Variants in ENG observed in about 807,000 individuals in gnomAD.
ENG encodes CD105 antigen.
In ENG, 17 loss-of-function variants were observed where a neutral mutation model predicts 71.0. That is an observed-to-expected ratio of 0.24 (90% CI 0.16 to 0.36). The LOEUF (loss-of-function observed/expected upper bound fraction) is 0.36. Among genes scored for constraint, ENG ranks in the 10% least tolerant of loss-of-function variants. The pLI is 1.00. For synonymous variants in ENG, 360 were observed against 366.9 expected, an observed-to-expected ratio of 0.98 and a Z score of 0.21; for missense variants, 749 against 868.3, an observed-to-expected ratio of 0.86 and a Z score of 1.73.
intron 1 of ENG, among the ~76,000 whole-genome samples, chr9:127,853,632 A>G (rs977509338): frequency 6.6e-6 from 1 of 152,246 alleles, no homozygotes; most frequent in African/African-American, 2.4e-5. Flanking sequence ...AGGGCCCTGC[A>G]GCCTTGGCCT....
intron 11 of ENG, 96 bp from the exon 12 acceptor site, chr9:127,818,473 C>A: frequency 3.8e-6 from 6 of 1,566,824 alleles, no homozygotes; most frequent in Non-Finnish European, 5.2e-6. Flanking sequence ...AGAGTTCCCA[C>A]CCCTGAGTCC....
At chr9:127,825,661 G>A (rs1489748614) in intron 5 of ENG, 34 bp downstream of exon 5, 1 of 1,511,190 alleles carries the variant, frequency 6.6e-7, no homozygotes, top group South Asian at 1.3e-5. Context: ...TCTCGGGGTG[G>A]GGACTAGTGT....
intron 2 of ENG, among the ~76,000 whole-genome samples, chr9:127,830,926 A>G (rs1343900213): frequency 3.9e-5 from 6 of 152,102 alleles, no homozygotes; most frequent in African/African-American, 1.4e-4. Context: ...TTGTTTTGGT[A>G]TAATGCCATT....
intron 3 of ENG, among the ~76,000 whole-genome samples, chr9:127,827,728 C>A (rs1830657216): frequency 6.6e-6 from 1 of 152,078 alleles, no homozygotes; most frequent in South Asian, 2.1e-4. Flanking sequence ...CCTCAAGAGA[C>A]CCTCCTGGCC....
Position 127,854,389 on chromosome 9 carries a change from A to G in ENG, c.-34T>C. 1 of 1,559,384 alleles carries G rather than the reference A, an allele frequency of 6.4e-7. No homozygotes were observed. Among genetic ancestry groups the G allele is most frequent in the South Asian group, 1.2e-5 (1 of 84,612 alleles). ...CGTGGGGGCCTGTGCGCTGGGCCTTATCCTGTGTCCAGTGGCAGGGCTGCG... is the reference window on the plus strand; with the variant it reads ...CGTGGGGGCCTGTGCGCTGGGCCTTGTCCTGTGTCCAGTGGCAGGGCTGCG... On this transcript the variant is annotated 5_prime_UTR_variant, in exon 1 of 15. Transcript: ENST00000373203.
At chr9:127,834,944 T>C (rs17557600) in intron 2 of ENG, among the ~76,000 whole-genome samples, 13,423 of 151,948 alleles carry the variant, frequency 0.088, 828 homozygotes, top group East Asian at 0.31. Flanking sequence ...CTAGTGGGTT[T>C]ATAACTTTTG....
Position 127,815,741 on chromosome 9 carries a change from T to G in ENG, c.1918A>C (p.Thr640Pro). The G allele has an allele frequency of 3.2e-6, 5 of 1,554,612 alleles. No individual in the cohort carries two copies. Among genetic ancestry groups the G allele is most frequent in the Non-Finnish European group, 4.3e-6 (5 of 1,154,256 alleles). The change falls in exon 15 of 15, where the codon ACC (threonine) becomes CCC (proline). Residue 640 changes from threonine to proline, a missense_variant. Coordinates refer to ENST00000373203, the MANE Select transcript of ENG (RefSeq NM_001114753.3). ...AAPASSESSS[T>P]NHSIGSTQST... Reference sequence around the variant, plus strand: ...TGGGTGCTCCCGATGCTGTGGTTGGTGCTGCTGCTCTCCGAGGAGGCCGGG... The same window carrying G: ...TGGGTGCTCCCGATGCTGTGGTTGGGGCTGCTGCTCTCCGAGGAGGCCGGG...
chr9:127,823,645 C>G (rs1331234971), intron 8 of ENG, among the ~76,000 whole-genome samples: 4 of 149,844 alleles, frequency 2.7e-5, no homozygotes, highest in African/African-American at 9.8e-5. Context: ...GCCTCGGCCT[C>G]CCAAAGTGCT....
intron 1 of ENG, among the ~76,000 whole-genome samples, chr9:127,851,521 G>T (rs1831285782): frequency 1.3e-5 from 2 of 152,022 alleles, no homozygotes. Context: ...ACTGCACCCG[G>T]CCTGCTTGTC....
rs1361154345 is a variant in ENG, at chr9:127,817,176, A to G, written c.1714T>C (p.Leu572=). ...QEVHRTVFMR[L]NIISPDLSGC... The stretch of plus-strand genomic sequence containing the variant: ...GACAGGTCAGGGCTGATGATGTTCA[A>G]GCGCATGAAGACAGTCCTATGGACT... The change falls in exon 13 of 15, where the codon TTG becomes CTG. Residue 572 remains leucine, a synonymous_variant. Transcript: ENST00000373203. 1 of 1,614,204 alleles carries G rather than the reference A, an allele frequency of 6.2e-7. No individual in the cohort carries two copies. The highest frequency in any genetic ancestry group is 8.5e-7 in the Non-Finnish European group (1 of 1,180,036).
chr9:127,848,688 C>A (rs970699929), intron 1 of ENG, among the ~76,000 whole-genome samples: 3 of 152,174 alleles, frequency 2.0e-5, no homozygotes, highest in Non-Finnish European at 4.4e-5. Flanking sequence ...CTTGGAGAAC[C>A]AGACCATACA....
rs566715226 is a variant in ENG at position 127,850,423 on chromosome 9, A to G, written c.67+3866T>C. ...TCGCCCGAGGGCCCAGCACCAACAC[A>G]TCCGTGACCACAAGCAAGTCCCTCT... On this transcript the variant is annotated intron_variant, in intron 1 of 14. Coordinates refer to ENST00000373203, the MANE Select transcript of ENG (RefSeq NM_001114753.3). Among the ~76,000 whole-genome samples the G allele has an allele frequency of 5.5e-4, 83 of 152,246 alleles. 2 individuals are homozygous for G. In the Middle Eastern group the frequency reaches 0.014, roughly 25 times the overall value.
chr9:127,852,643 C>T lies in ENG; in HGVS notation c.67+1646G>A, dbSNP rs1829058013. Among the ~76,000 whole-genome samples the T allele has an allele frequency of 1.3e-5, 2 of 152,004 alleles. 1 individual carries two copies. The highest frequency in any genetic ancestry group is 4.2e-4 in the South Asian group (2 of 4,802). On this transcript the variant is annotated intron_variant, in intron 1 of 14. Coordinates refer to ENST00000373203, the MANE Select transcript of ENG (RefSeq NM_001114753.3). ...CATTTCTTTCTAATCGTTTTACACC[C>T]CTGACTGTCATCTCTGCTCTCGGTG...
chr9:127,816,384 C>T (rs1282495785), intron 13 of ENG: 1 of 432,342 alleles, frequency 2.3e-6, no homozygotes, highest in African/African-American at 2.0e-5. Context: ...CCTGCCCCAC[C>T]TGCTGCATGA....
In ENG at chr9:127,854,474, G is replaced by T; in HGVS notation, c.-119C>A. The T allele has an allele frequency of 8.9e-7, 1 of 1,127,000 alleles. No individual in the cohort carries two copies. The highest frequency in any genetic ancestry group is 2.5e-5 in the Admixed American group (1 of 40,726). 69.8% of individuals were successfully genotyped at this position (1,127,000 alleles called of 1,614,324 possible). On this transcript the variant is annotated 5_prime_UTR_variant, in exon 1 of 15. Transcript: ENST00000373203. ...GACCCGAGGGGAGCAGGCGGCCGGA[G>T]CGACGGCGTCCCTGCTCCAGCCTTC...
chr9:127,845,831 C>T (rs943994910), intron 1 of ENG, among the ~76,000 whole-genome samples: 6 of 152,178 alleles, frequency 3.9e-5, no homozygotes, highest in South Asian at 2.1e-4. Flanking sequence ...CTCAGCCTCC[C>T]AAGTAGTTGG....
At chr9:127,823,723 C>T (rs1373030179) in intron 8 of ENG, among the ~76,000 whole-genome samples, 2 of 140,494 alleles carry the variant, frequency 1.4e-5, no homozygotes, top group Non-Finnish European at 3.0e-5. Flanking sequence ...ACTCTGTTGC[C>T]CAGGCTGAAG....
chr9:127,851,305 C>T (rs1831279714), intron 1 of ENG, among the ~76,000 whole-genome samples: 1 of 151,962 alleles, frequency 6.6e-6, no homozygotes, highest in Admixed American at 6.6e-5. Flanking sequence ...TCACAACCTC[C>T]ACCTCCCAGG....
chr9:127,830,659 C>CA (rs536765549), intron 2 of ENG, among the ~76,000 whole-genome samples: 1 of 150,264 alleles, frequency 6.7e-6, no homozygotes, highest in Non-Finnish European at 1.5e-5. Context: ...AAAAAAAAAA[C>CA]AAAAAACAAA....
Sources: gnomAD v4.1 joint callset for allele counts (sites outside exome capture counted in the v4.1 genomes callset) on GRCh38, gnomAD v4.1.1 for gene constraint, MANE v1.5 for transcripts, NCBI Gene and HGNC (gene_info 2026-07-23, HGNC 2026-07-21) for gene names.